The following MYRFL variants were observed in gnomAD, a reference collection of about 807,000 sequenced individuals.
The protein encoded by MYRFL is myelin regulatory factor-like protein.
A neutral mutation model predicts 109.4 loss-of-function variants in MYRFL; 88 were observed. That is an observed-to-expected ratio of 0.80 (90% CI 0.68 to 0.96). The LOEUF (loss-of-function observed/expected upper bound fraction) is 0.96, where lower values mean the gene tolerates loss of function less well. Among genes scored for constraint, MYRFL ranks in the 40% least tolerant of loss-of-function variants. MYRFL has a pLI of 0.00. For synonymous variants in MYRFL, 324 were observed against 320.9 expected (o/e 1.01, Z -0.10); for missense variants, 957 against 954.9 (o/e 1.00, Z -0.03).
intron 16 of MYRFL, among the ~76,000 whole-genome samples, chr12:69,933,889 C>A (rs1410465177): frequency 6.6e-6 from 1 of 151,944 alleles, no homozygotes; most frequent in Non-Finnish European, 1.5e-5. Context: ...CTTATTTTTT[C>A]CAATACTGTT....
intron 13 of MYRFL, among the ~76,000 whole-genome samples, chr12:69,923,837 C>A (rs1342584065): frequency 6.6e-6 from 1 of 151,892 alleles, no homozygotes; most frequent in Non-Finnish European, 1.5e-5. Context: ...TTTTATTTTG[C>A]CTTCTGTTTC....
chr12:69,880,166 G>A (rs1885973097), intron 4 of MYRFL, 35 bp from the exon 5 acceptor site: 1 of 699,992 alleles, frequency 1.4e-6, no homozygotes, highest in Non-Finnish European at 2.6e-6. Context: ...ACACAAGGAA[G>A]AATCCTAACC....
rs189412506 is a variant in MYRFL, at chr12:69,955,349, C to T, written c.2376-14C>T. On this transcript the variant is annotated splice_polypyrimidine_tract_variant and intron_variant, in intron 21 of 24. Transcript: ENST00000552032. ...ATATTTTGATTTGTGGTTTTATTTT[C>T]TTTCCATAATTAGATCTGGAAATTA... 6,951 of 621,552 alleles carry T rather than the reference C, an allele frequency of 0.011. 350 individuals are homozygous for T. The African/African-American group carries it at 0.11, about 10-fold the overall frequency. The allele number at this position is 621,552 out of a possible 1,614,324, so 38.5% of individuals were successfully genotyped here.
rs1886490771 is a variant in MYRFL at position 69,886,900 on chromosome 12, C to T, written c.637C>T (p.Pro213Ser). Residue 213 changes from proline to serine, a missense_variant, in exon 6 of 25, where the codon CCT becomes TCT. Pro to Ser is a moderately conservative substitution (Grantham distance 74). Coordinates refer to ENST00000552032, the MANE Select transcript of MYRFL (RefSeq NM_182530.3). ...CAGAATGCCTACAGACCAGTGCTCT[C>T]CTGCTCTGAAGTGGCAACCATGCCA... ...QNRMPTDQCS[P>S]ALKWQPCHSV... 1 of 1,535,842 alleles carries T rather than the reference C, an allele frequency of 6.5e-7. No individual in the cohort carries two copies.
rs539779269 is a variant in MYRFL at position 69,944,692 on chromosome 12, G to C, written c.2225-7421G>C. ...TAAAACTTAAAGTATAATAATAAAA[G>C]AAAAAAAAAGAAAAGACAAATATTT... On this transcript the variant is annotated intron_variant, in intron 19 of 24. Transcript: ENST00000552032. 2.7e-5 allele frequency among the ~76,000 whole-genome samples: 4 copies of C among 150,104 alleles called. No individual in the cohort carries two copies. The East Asian group carries it at 5.9e-4, about 22-fold the overall frequency.
intron 19 of MYRFL, among the ~76,000 whole-genome samples, chr12:69,943,587 A>C (rs1344384631): frequency 6.6e-6 from 1 of 151,788 alleles, no homozygotes; most frequent in Non-Finnish European, 1.5e-5. Context: ...ACCCTAGAAG[A>C]AAACCTAGGC....
chr12:69,939,071 C>G (rs557495282), intron 19 of MYRFL, among the ~76,000 whole-genome samples: 1 of 152,090 alleles, frequency 6.6e-6, no homozygotes, highest in Non-Finnish European at 1.5e-5. Context: ...ATTGCTAGCA[C>G]AGCAGTCTGA....
At chr12:69,878,431 A>G (rs1441178795) in intron 2 of MYRFL, among the ~76,000 whole-genome samples, 1 of 152,134 alleles carries the variant, frequency 6.6e-6, no homozygotes, top group African/African-American at 2.4e-5. Context: ...TAGCTCAAAC[A>G]GTATGTACAA....
chr12:69,917,048 G>T (rs970967980), intron 13 of MYRFL, among the ~76,000 whole-genome samples: 1 of 152,046 alleles, frequency 6.6e-6, no homozygotes, highest in African/African-American at 2.4e-5. Context: ...AACCTGCCAA[G>T]TATGTTTCTG....
At chr12:69,845,594 C>G (rs2136318240) in intron 1 of MYRFL, among the ~76,000 whole-genome samples, 1 of 152,200 alleles carries the variant, frequency 6.6e-6, no homozygotes, top group South Asian at 2.1e-4. Context: ...GAAAAGCCTC[C>G]AAATTCTTTT....
chr12:69,948,466 C>A (rs767503620), intron 19 of MYRFL, among the ~76,000 whole-genome samples: 2 of 152,116 alleles, frequency 1.3e-5, no homozygotes, highest in African/African-American at 2.4e-5. Context: ...TTATAACGAG[C>A]TCTTTTTCTG....
intron 12 of MYRFL, 72 bp from the exon 13 acceptor site, chr12:69,910,749 A>G (rs944023332): frequency 3.9e-5 from 44 of 1,142,184 alleles, no homozygotes; most frequent in Middle Eastern, 3.9e-4. Flanking sequence ...GATCAAAGCA[A>G]AAGCTTAGAG....
intron 16 of MYRFL, among the ~76,000 whole-genome samples, chr12:69,934,442 C>T (rs1484290628): frequency 6.6e-6 from 1 of 152,180 alleles, no homozygotes; most frequent in Non-Finnish European, 1.5e-5. Flanking sequence ...CATCTGCAGC[C>T]CAATGAACAG....
Position 69,958,484 on chromosome 12 carries a change from A to C in MYRFL, c.2686A>C (p.Ile896Leu). The change falls in exon 25 of 25, where the codon ATA becomes CTA. Residue 896 changes from isoleucine to leucine, a missense_variant. Ile to Leu is a conservative substitution (Grantham distance 5). Coordinates refer to ENST00000552032, the MANE Select transcript of MYRFL (RefSeq NM_182530.3). ...TTCAACTGATCCTTATTTTGCTGGG[A>C]TATTCTTCACCGATTACTTCTTTTA... ...DCSTDPYFAG[I>L]FFTDYFFYFY... 1 of 1,534,270 alleles carries C rather than the reference A, an allele frequency of 6.5e-7. No homozygotes were observed. Among genetic ancestry groups the C allele is most frequent in the South Asian group, 1.2e-5 (1 of 83,790 alleles).
At chr12:69,954,025 AT>A (rs1956044559) in intron 21 of MYRFL, among the ~76,000 whole-genome samples, 2 of 152,304 alleles carry the variant, frequency 1.3e-5, no homozygotes, top group South Asian at 2.1e-4. Flanking sequence ...ATCTCATTGA[AT>A]TCTCACAAAA....
In MYRFL at chr12:69,958,948, G is replaced by GTGA. The variant is rs1956154739; in HGVS notation, c.*419_*421dup. On this transcript the variant is annotated 3_prime_UTR_variant, in exon 25 of 25. Coordinates refer to ENST00000552032, the MANE Select transcript of MYRFL (RefSeq NM_182530.3). The stretch of plus-strand genomic sequence containing the variant: ...ACTAAACATAGACTCTTGAGAATGT[G>GTGA]TGATATGGTATGTGGAGGAGATGTG... 5.6e-6 allele frequency: 1 copy of GTGA among 179,680 alleles called. No homozygotes were observed. Among genetic ancestry groups the GTGA allele is most frequent in the African/African-American group, 2.4e-5 (1 of 41,584 alleles). The allele number at this position is 179,680 out of a possible 1,614,324, so 11.1% of individuals were successfully genotyped here.
At chr12:69,947,183 TAAAA>T (rs1489568390) in intron 19 of MYRFL, 1 of 151,646 alleles carries the variant, frequency 6.6e-6, no homozygotes, top group Non-Finnish European at 1.5e-5. Context: ...GGAATAAAAA[TAAAA>T]AAGAAATTCA....
rs1372247846 is a variant in MYRFL at position 69,825,521 on chromosome 12, G to C, written c.4G>C (p.Asp2His). ...ATAGTACTAGGATCACAGTACCATG[G>C]ATGTGGTAGGCGAAAATGAGGCCCT... is the stretch of plus-strand genomic sequence containing the variant. Reference protein sequence around the residue: MDVVGENEALQQ... With the variant: MHVVGENEALQQ... The change falls in exon 1 of 25, where the codon GAT becomes CAT. Residue 2 changes from aspartate to histidine, a missense_variant. Coordinates refer to ENST00000552032, the MANE Select transcript of MYRFL (RefSeq NM_182530.3). 1.4e-6 allele frequency: 1 copy of C among 701,956 alleles called. No individual in the cohort carries two copies. Among genetic ancestry groups the C allele is most frequent in the East Asian group, 2.7e-5 (1 of 37,260 alleles). The allele number at this position is 701,956 out of a possible 1,614,324, so 43.5% of individuals were successfully genotyped here.
In MYRFL at chr12:69,825,389, C is replaced by T. The variant is rs1171546042; in HGVS notation, c.-129C>T. 1 of 692,220 alleles carries T rather than the reference C, an allele frequency of 1.4e-6. No individual in the cohort carries two copies. The highest frequency in any genetic ancestry group is 2.6e-6 in the Non-Finnish European group (1 of 381,122). 42.9% of individuals were successfully genotyped at this position (692,220 alleles called of 1,614,324 possible). A position where few individuals can be genotyped will look rare whatever the true frequency, so the allele number is the denominator to read the frequency against. Reference sequence around the variant, plus strand: ...CAATTTGATGGCTGAAGATATGCTTCACTCCAATAAAAAGAAAATGAAGAT... The same window carrying T: ...CAATTTGATGGCTGAAGATATGCTTTACTCCAATAAAAAGAAAATGAAGAT... On this transcript the variant is annotated 5_prime_UTR_variant, in exon 1 of 25. Transcript: ENST00000552032.
Sources: gnomAD v4.1 joint callset for allele counts (sites outside exome capture counted in the v4.1 genomes callset) on GRCh38, gnomAD v4.1.1 for gene constraint, MANE v1.5 for transcripts, NCBI Gene and HGNC (gene_info 2026-07-23, HGNC 2026-07-21) for gene names.